NXPH3: variants seen among roughly 807,000 people sequenced by gnomAD.
NXPH3 encodes neurexophilin 3, also known as neurexophilin-3.
NXPH3 carries 7 observed loss-of-function variants against 18.8 expected under a neutral mutation model. That is an observed-to-expected ratio of 0.37 (90% CI 0.21 to 0.70). NXPH3 has a LOEUF of 0.70. Ranked by LOEUF, NXPH3 falls within the 30% of genes least tolerant of loss-of-function variation. The probability of loss-of-function intolerance (pLI) is 0.53; values close to 1 mark genes in which losing one functional copy is unlikely to be tolerated. For synonymous variants in NXPH3, 101 were observed against 137.3 expected, an observed-to-expected ratio of 0.74 and a Z score of 1.85; for missense variants, 282 against 338.1, an observed-to-expected ratio of 0.83 and a Z score of 1.30.
chr17:49,577,960 T>A (rs949164622), intron 1 of NXPH3: 9 of 152,278 alleles, frequency 5.9e-5, no homozygotes, highest in Admixed American at 2.6e-4. Flanking sequence ...TGTCTGGTGG[T>A]TCTCTTTGCA....
rs1567759294 is a variant in NXPH3, at chr17:49,578,849, GCGA to G, written c.310_312del (p.Asp104del). 3 of 1,614,142 alleles carry G rather than the reference GCGA, an allele frequency of 1.9e-6. No homozygotes were observed. ...AAGGTGAAGAAAATCTTTGGCTGGGGCGACTTCTACTCCAACATCAAGACGGTG... is the reference window on the plus strand; with the variant it reads ...AAGGTGAAGAAAATCTTTGGCTGGGGCTTCTACTCCAACATCAAGACGGTG... On this transcript the variant is annotated inframe_deletion, in exon 2 of 2. Coordinates refer to ENST00000328741, the MANE Select transcript of NXPH3 (RefSeq NM_007225.4). The surrounding 1 kb of genome is among the most constrained non-coding windows in gnomAD (Gnocchi z 4.5).
chr17:49,576,096 G>C lies in NXPH3; in HGVS notation c.-124G>C. 4 of 1,220,814 alleles carry C rather than the reference G, an allele frequency of 3.3e-6. No homozygotes were observed. Among genetic ancestry groups the C allele is most frequent in the Non-Finnish European group, 3.5e-6 (3 of 859,454 alleles). The allele number at this position is 1,220,814 out of a possible 1,614,324, so 75.6% of individuals were successfully genotyped here. On this transcript the variant is annotated 5_prime_UTR_variant, in exon 1 of 2. Coordinates refer to ENST00000328741, the MANE Select transcript of NXPH3 (RefSeq NM_007225.4). ...TCGGCCCTGGGCGACCCGCTGAGGG[G>C]AGGGCCGCGGGCCGCCGGGGACTGG...
At position 49,580,428 on chromosome 17, in the gene NXPH3, C is replaced by T. The variant is rs1040281740; in HGVS notation, c.*1128C>T. The T allele has an allele frequency of 2.6e-5, 4 of 152,262 alleles. No homozygotes were observed. Among genetic ancestry groups the T allele is most frequent in the African/African-American group, 4.8e-5 (2 of 41,450 alleles). The allele number at this position is 152,262 out of a possible 1,614,324, so 9.4% of individuals were successfully genotyped here. A position where few individuals can be genotyped will look rare whatever the true frequency, so the allele number is the denominator to read the frequency against. ...GTCCAGGAAGAATTTCTCTGATGGCCGCAGGACATTTGCTTGAGACCCAAG... is the reference window on the plus strand; with the variant it reads ...GTCCAGGAAGAATTTCTCTGATGGCTGCAGGACATTTGCTTGAGACCCAAG... On this transcript the variant is annotated 3_prime_UTR_variant, in exon 2 of 2. Coordinates refer to ENST00000328741, the MANE Select transcript of NXPH3 (RefSeq NM_007225.4).
At position 49,578,493 on chromosome 17, in the gene NXPH3, A is replaced by G; in HGVS notation, c.55-103A>G. ...AGTGGGCAAGACGCAGGAGCTCCTCACCCAGGTCAGAGTGAAGTGGCAGGG... is the reference window on the plus strand; with the variant it reads ...AGTGGGCAAGACGCAGGAGCTCCTCGCCCAGGTCAGAGTGAAGTGGCAGGG... On this transcript the variant is annotated intron_variant, in intron 1 of 1. Transcript: ENST00000328741. This position sits in a 1 kb window ranked among gnomAD's most constrained non-coding sequence, Gnocchi z 4.5. 1.1e-6 allele frequency: 1 copy of G among 907,120 alleles called. No individual in the cohort carries two copies. Among genetic ancestry groups the G allele is most frequent in the Non-Finnish European group, 1.7e-6 (1 of 598,294 alleles). The allele number at this position is 907,120 out of a possible 1,614,324, so 56.2% of individuals were successfully genotyped here.
At chr17:49,577,802 A>G (rs2071578533) in intron 1 of NXPH3, 1 of 152,230 alleles carries the variant, frequency 6.6e-6, no homozygotes, top group Admixed American at 6.5e-5. Flanking sequence ...GCATGTCATC[A>G]TCAGTGTACC....
chr17:49,575,920 C>A lies in NXPH3; in HGVS notation c.-300C>A. The A allele has an allele frequency of 2.9e-6, 1 of 349,998 alleles. No homozygotes were observed. Among genetic ancestry groups the A allele is most frequent in the South Asian group, 6.4e-5 (1 of 15,684 alleles). 21.7% of individuals were successfully genotyped at this position (349,998 alleles called of 1,614,324 possible). On this transcript the variant is annotated 5_prime_UTR_variant, in exon 1 of 2. Coordinates refer to ENST00000328741, the MANE Select transcript of NXPH3 (RefSeq NM_007225.4). The surrounding 1 kb of genome is among the most constrained non-coding windows in gnomAD (Gnocchi z 4.3). ...CGCTGGAGCCGAGGGGGGCGCCGAG[C>A]GCAGATCTGGAGCAGCAGAGCCACG... is the stretch of plus-strand genomic sequence containing the variant.
rs2071600353 is a variant in NXPH3, at chr17:49,581,540, G to A, written c.*2240G>A. The A allele has an allele frequency of 1.5e-6, 1 of 667,554 alleles. No homozygotes were observed. Among genetic ancestry groups the A allele is most frequent in the Non-Finnish European group, 2.7e-6 (1 of 366,450 alleles). The allele number at this position is 667,554 out of a possible 1,614,324, so 41.4% of individuals were successfully genotyped here. A position where few individuals can be genotyped will look rare whatever the true frequency, so the allele number is the denominator to read the frequency against. ...CACCTTGTAGGAAATGACCCAGCTT[G>A]TTTCCCCCACATCATGCTTCCAGGG... is the stretch of plus-strand genomic sequence containing the variant. On this transcript the variant is annotated 3_prime_UTR_variant, in exon 2 of 2. Transcript: ENST00000328741.
rs1034578461 is a variant in NXPH3 at position 49,580,895 on chromosome 17, G to T, written c.*1595G>T. 6.6e-6 allele frequency: 1 copy of T among 152,304 alleles called. No homozygotes were observed. Among genetic ancestry groups the T allele is most frequent in the Non-Finnish European group, 1.5e-5 (1 of 68,108 alleles). The allele number at this position is 152,304 out of a possible 1,614,324, so 9.4% of individuals were successfully genotyped here. Reference sequence around the variant, plus strand: ...TTCTAATTCAGCAGGCCTGGGTGGGGCCTAAGAATTAGAATTTCTAACGAG... The same window carrying T: ...TTCTAATTCAGCAGGCCTGGGTGGGTCCTAAGAATTAGAATTTCTAACGAG... On this transcript the variant is annotated 3_prime_UTR_variant, in exon 2 of 2. Transcript: ENST00000328741.
Position 49,580,753 on chromosome 17 carries a change from GCTTT to G in NXPH3, c.*1462_*1465del, listed in dbSNP as rs976750409. 2.0e-5 allele frequency: 3 copies of G among 152,504 alleles called. No individual in the cohort carries two copies. The highest frequency in any genetic ancestry group is 1.3e-4 in the Admixed American group (2 of 15,288). The allele number at this position is 152,504 out of a possible 1,614,324, so 9.4% of individuals were successfully genotyped here. A position where few individuals can be genotyped will look rare whatever the true frequency, so the allele number is the denominator to read the frequency against. ...TTGGCCATGTCCATTCTCCTCTCTGGCTTTCTTTCTTTGTTTCTTCCTCTATGAC... is the reference window on the plus strand; with the variant it reads ...TTGGCCATGTCCATTCTCCTCTCTGGCTTTCTTTGTTTCTTCCTCTATGAC... On this transcript the variant is annotated 3_prime_UTR_variant, in exon 2 of 2. Transcript: ENST00000328741.
chr17:49,581,513 C>T lies in NXPH3; in HGVS notation c.*2213C>T. 1.5e-6 allele frequency: 1 copy of T among 651,198 alleles called. No homozygotes were observed. Among genetic ancestry groups the T allele is most frequent in the South Asian group, 1.7e-5 (1 of 57,892 alleles). The allele number at this position is 651,198 out of a possible 1,614,324, so 40.3% of individuals were successfully genotyped here. A position where few individuals can be genotyped will look rare whatever the true frequency, so the allele number is the denominator to read the frequency against. On this transcript the variant is annotated 3_prime_UTR_variant, in exon 2 of 2. Coordinates refer to ENST00000328741, the MANE Select transcript of NXPH3 (RefSeq NM_007225.4). The stretch of plus-strand genomic sequence containing the variant: ...GGGCTGAGAAGCCATCTGGTTACAG[C>T]CCACCTTGTAGGAAATGACCCAGCT...
intron 1 of NXPH3, 131 bp downstream of exon 1, chr17:49,576,404 G>T: frequency 1.9e-6 from 2 of 1,062,008 alleles, no homozygotes; most frequent in South Asian, 1.4e-5. Context: ...AAGACTGGAG[G>T]CTGGGGGAGA....
In NXPH3 at chr17:49,578,809, C is replaced by T. The variant is rs142093172; in HGVS notation, c.268C>T (p.Pro90Ser). The change falls in exon 2 of 2, where the codon CCC becomes TCC. Residue 90 changes from proline (P) to serine (S), a missense_variant. Physicochemically the swap from Pro to Ser is moderately conservative, Grantham distance 74. Coordinates refer to ENST00000328741, the MANE Select transcript of NXPH3 (RefSeq NM_007225.4). The surrounding 1 kb of genome is among the most constrained non-coding windows in gnomAD (Gnocchi z 4.5). ...GQPPNRPNHS[P>S]PPSAKVKKIF... ...GCCCCCCAACCGCCCGAACCACAGCCCCCCACCCTCAGCCAAGGTGAAGAA... is the reference window on the plus strand; with the variant it reads ...GCCCCCCAACCGCCCGAACCACAGCTCCCCACCCTCAGCCAAGGTGAAGAA... The T allele has an allele frequency of 1.6e-5, 26 of 1,613,900 alleles. No homozygotes were observed. The African/African-American group carries it at 3.5e-4, about 22-fold the overall frequency.
chr17:49,581,425 C>T lies in NXPH3; in HGVS notation c.*2125C>T, dbSNP rs1055911055. On this transcript the variant is annotated 3_prime_UTR_variant, in exon 2 of 2. Coordinates refer to ENST00000328741, the MANE Select transcript of NXPH3 (RefSeq NM_007225.4). ...GATGGGCTTGCCACCCCCCACCTTTCGCCCCTGCCCACCAGCGCTCCGCGC... is the reference window on the plus strand; with the variant it reads ...GATGGGCTTGCCACCCCCCACCTTTTGCCCCTGCCCACCAGCGCTCCGCGC... The T allele has an allele frequency of 9.0e-5, 54 of 597,420 alleles. No individual in the cohort carries two copies. The highest frequency in any genetic ancestry group is 1.5e-4 in the Admixed American group (5 of 32,952). The allele number at this position is 597,420 out of a possible 1,614,324, so 37.0% of individuals were successfully genotyped here. A position where few individuals can be genotyped will look rare whatever the true frequency, so the allele number is the denominator to read the frequency against.
rs377169530 is a variant in NXPH3, at chr17:49,578,851, G to A, written c.310G>A (p.Asp104Asn). ...GGTGAAGAAAATCTTTGGCTGGGGC[G>A]ACTTCTACTCCAACATCAAGACGGT... The part of the protein sequence containing the change: ...AKVKKIFGWG[D>N]FYSNIKTVAL... Residue 104 changes from aspartate to asparagine, a missense_variant, in exon 2 of 2, where the codon GAC (aspartate) becomes AAC (asparagine). Coordinates refer to ENST00000328741, the MANE Select transcript of NXPH3 (RefSeq NM_007225.4). The surrounding 1 kb of genome is among the most constrained non-coding windows in gnomAD (Gnocchi z 4.5). The A allele has an allele frequency of 2.4e-5, 39 of 1,613,990 alleles. No homozygotes were observed. The highest frequency in any genetic ancestry group is 1.6e-4 in the South Asian group (15 of 91,090).
At position 49,582,766 on chromosome 17, in the gene NXPH3, G is replaced by T. The variant is rs1288009197; in HGVS notation, c.*3466G>T. On this transcript the variant is annotated 3_prime_UTR_variant, in exon 2 of 2. Transcript: ENST00000328741. ...CTCTGCCCTTCAGCTTTGCTCAAAGGCGCTGTCTGGGTCTCAGCATTCCTT... is the reference window on the plus strand; with the variant it reads ...CTCTGCCCTTCAGCTTTGCTCAAAGTCGCTGTCTGGGTCTCAGCATTCCTT... 1 of 152,316 alleles carries T rather than the reference G, an allele frequency of 6.6e-6. No individual in the cohort carries two copies. Among genetic ancestry groups the T allele is most frequent in the East Asian group, 1.9e-4 (1 of 5,196 alleles). 9.4% of individuals were successfully genotyped at this position (152,316 alleles called of 1,614,324 possible). A position where few individuals can be genotyped will look rare whatever the true frequency, so the allele number is the denominator to read the frequency against.
chr17:49,577,983 A>T (rs2071579395), intron 1 of NXPH3: 1 of 152,278 alleles, frequency 6.6e-6, no homozygotes, highest in Non-Finnish European at 1.5e-5. Context: ...TAAGGGTAGA[A>T]ATTATCCTAG....
rs1567759290 is a variant in NXPH3, at chr17:49,578,849, G to A, written c.308G>A (p.Gly103Asp). Residue 103 changes from glycine (G) to aspartate (D), a missense_variant, in exon 2 of 2, where the codon GGC (glycine) becomes GAC (aspartate). Transcript: ENST00000328741. The surrounding 1 kb of genome is among the most constrained non-coding windows in gnomAD (Gnocchi z 4.5). ...SAKVKKIFGW[G>D]DFYSNIKTVA... Reference sequence around the variant, plus strand: ...AAGGTGAAGAAAATCTTTGGCTGGGGCGACTTCTACTCCAACATCAAGACG... The same window carrying A: ...AAGGTGAAGAAAATCTTTGGCTGGGACGACTTCTACTCCAACATCAAGACG... 6.2e-7 allele frequency: 1 copy of A among 1,614,142 alleles called. No homozygotes were observed. The highest frequency in any genetic ancestry group is 8.5e-7 in the Non-Finnish European group (1 of 1,180,040).
In NXPH3 at chr17:49,581,395, G is replaced by A; in HGVS notation, c.*2095G>A. 6.7e-6 allele frequency: 4 copies of A among 595,204 alleles called. No individual in the cohort carries two copies. In the South Asian group the frequency reaches 8.0e-5, roughly 12 times the overall value. The allele number at this position is 595,204 out of a possible 1,614,324, so 36.9% of individuals were successfully genotyped here. A position where few individuals can be genotyped will look rare whatever the true frequency, so the allele number is the denominator to read the frequency against. ...GAGGAGAGGAGAGTCCTGGCAGTAA[G>A]GTAAGATGGGCTTGCCACCCCCCAC... On this transcript the variant is annotated 3_prime_UTR_variant, in exon 2 of 2. Transcript: ENST00000328741.
intron 1 of NXPH3, 59 bp downstream of exon 1, chr17:49,576,332 C>A (rs924312712): frequency 6.5e-7 from 1 of 1,528,876 alleles, no homozygotes; most frequent in African/African-American, 1.4e-5. Flanking sequence ...CGGGGGAGAG[C>A]GCGGGAAGCT....
Sources: gnomAD v4.1 joint callset for allele counts on GRCh38, gnomAD v4.1.1 for gene constraint, Gnocchi (gnomAD v3.1) non-coding constraint, MANE v1.5 for transcripts, NCBI Gene and HGNC (gene_info 2026-07-23, HGNC 2026-07-21) for gene names.